Variants in IGSF21 observed in about 807,000 individuals in gnomAD.
The protein encoded by IGSF21 is immunoglobulin superfamily member 21.
IGSF21 carries 28 observed loss-of-function variants against 46.8 expected under a neutral mutation model. The observed-to-expected ratio is 0.60, with a 90% CI of 0.44 to 0.82. The LOEUF is 0.82. IGSF21 is among the 40% of genes least tolerant of loss of function. The probability of loss-of-function intolerance (pLI) is 0.00; values close to 1 mark genes in which losing one functional copy is unlikely to be tolerated. For synonymous variants in IGSF21, 284 were observed against 273.6 expected (o/e 1.04, Z -0.38); for missense variants, 624 against 665.5 (o/e 0.94, Z 0.69).
intron 2 of IGSF21, among the ~76,000 whole-genome samples, chr1:18,273,456 TTCTC>T (rs376410871): frequency 3.5e-5 from 3 of 86,666 alleles, no homozygotes; most frequent in Admixed American, 1.4e-4. Context: ...CTTTCTTTCT[TTCTC>T]TCTCTTTCTT....
chr1:18,165,717 A>G (rs1226105900), intron 1 of IGSF21, among the ~76,000 whole-genome samples: 3 of 152,218 alleles, frequency 2.0e-5, no homozygotes, highest in Admixed American at 6.5e-5. Flanking sequence ...TAAAGAAATC[A>G]ATTGCACTTT....
intron 1 of IGSF21, chr1:18,176,117 C>T (rs1340432318): frequency 6.6e-6 from 1 of 152,218 alleles, no homozygotes; most frequent in African/African-American, 2.4e-5. Context: ...ATTACAGACA[C>T]ACAGCAATGA....
intron 1 of IGSF21, among the ~76,000 whole-genome samples, chr1:18,194,710 A>G (rs1329338724): frequency 1.3e-5 from 2 of 152,222 alleles, no homozygotes; most frequent in Non-Finnish European, 2.9e-5. Context: ...TTCCAAATAA[A>G]TTCACATTCT....
chr1:18,229,687 T>C (rs752344867), intron 2 of IGSF21, among the ~76,000 whole-genome samples: 10 of 152,230 alleles, frequency 6.6e-5, no homozygotes, highest in Non-Finnish European at 1.5e-4. Flanking sequence ...AAGGGTGCCA[T>C]CCTGGATAGA....
intron 5 of IGSF21, 62 bp downstream of exon 5, chr1:18,362,292 G>A (rs2086109908): frequency 8.1e-7 from 1 of 1,234,844 alleles, no homozygotes; most frequent in Non-Finnish European, 1.2e-6. Flanking sequence ...TTCGGGGCTG[G>A]TCCAGCTGCA....
chr1:18,207,470 G>A (rs1044030277), intron 1 of IGSF21, among the ~76,000 whole-genome samples: 2 of 152,218 alleles, frequency 1.3e-5, no homozygotes, highest in Non-Finnish European at 2.9e-5. Context: ...CTCCTTGCAG[G>A]AAAGGCATCT....
chr1:18,355,929 G>A (rs1264716388), intron 4 of IGSF21, among the ~76,000 whole-genome samples: 4 of 148,388 alleles, frequency 2.7e-5, no homozygotes, highest in Non-Finnish European at 5.9e-5. Context: ...TCCGCCTTCC[G>A]GGTTCAAGCG....
chr1:18,219,379 C>T (rs555998126), intron 1 of IGSF21, among the ~76,000 whole-genome samples: 12 of 152,030 alleles, frequency 7.9e-5, no homozygotes, highest in South Asian at 4.2e-4. Flanking sequence ...GGGCCAGCAG[C>T]GTTCATTGTG....
intron 2 of IGSF21, among the ~76,000 whole-genome samples, chr1:18,284,352 G>C (rs571389413): frequency 6.6e-6 from 1 of 152,168 alleles, no homozygotes; most frequent in Non-Finnish European, 1.5e-5. Flanking sequence ...CATGTACTAC[G>C]TGCCGGTTCC....
intron 2 of IGSF21, among the ~76,000 whole-genome samples, chr1:18,284,760 G>A (rs1260267751): frequency 6.6e-6 from 1 of 152,212 alleles, no homozygotes; most frequent in Non-Finnish European, 1.5e-5. Context: ...TGAAAGGCAG[G>A]TATCGCCTTA....
At chr1:18,315,752 T>C (rs1370734415) in intron 3 of IGSF21, among the ~76,000 whole-genome samples, 2 of 150,932 alleles carry the variant, frequency 1.3e-5, no homozygotes. Flanking sequence ...AAGTGGATGG[T>C]AAGTGGGTGA....
At chr1:18,313,748 G>A (rs1431300363) in intron 3 of IGSF21, among the ~76,000 whole-genome samples, 1 of 152,166 alleles carries the variant, frequency 6.6e-6, no homozygotes, top group East Asian at 1.9e-4. Context: ...GACCTGCCGA[G>A]TGCTTGCCTG....
Position 18,335,074 on chromosome 1 carries a change from A to AAT in IGSF21, c.424+65_424+66dup. 7.7e-7 allele frequency: 1 copy of AAT among 1,292,516 alleles called. No homozygotes were observed. Among genetic ancestry groups the AAT allele is most frequent in the South Asian group, 1.2e-5 (1 of 84,116 alleles). 80.1% of individuals were successfully genotyped at this position (1,292,516 alleles called of 1,614,324 possible). On this transcript the variant is annotated intron_variant, in intron 4 of 9. Coordinates refer to ENST00000251296, the MANE Select transcript of IGSF21 (RefSeq NM_032880.5). The surrounding 1 kb of genome is among the most constrained non-coding windows in gnomAD (Gnocchi z 4.8). ...GAGGACGAGTATGCTTGAGTGTGTG[A>AAT]ATGTGCGCACAGAGTGGCCATCCTG...
intron 1 of IGSF21, among the ~76,000 whole-genome samples, chr1:18,159,842 C>T (rs148415738): frequency 6.9e-4 from 105 of 152,202 alleles, no homozygotes; most frequent in African/African-American, 1.7e-3. Flanking sequence ...GCACCACGCC[C>T]GGCTAATTTT....
intron 1 of IGSF21, among the ~76,000 whole-genome samples, chr1:18,158,068 C>T (rs553131815): frequency 6.6e-6 from 1 of 152,316 alleles, no homozygotes; most frequent in East Asian, 1.9e-4. Context: ...CCCCATCAAA[C>T]TGGGATCTTT....
intron 2 of IGSF21, among the ~76,000 whole-genome samples, chr1:18,273,106 C>T (rs944233097): frequency 1.4e-5 from 2 of 142,676 alleles, no homozygotes; most frequent in Non-Finnish European, 3.0e-5. Flanking sequence ...AGTGCAGTGG[C>T]ATGCTCTCAC....
intron 1 of IGSF21, among the ~76,000 whole-genome samples, chr1:18,193,297 C>A (rs898304740): frequency 6.6e-6 from 1 of 152,182 alleles, no homozygotes; most frequent in South Asian, 2.1e-4. Context: ...TTACAGGGCC[C>A]TGTGGGCCAA....
chr1:18,227,623 A>G (rs976292016), intron 1 of IGSF21, among the ~76,000 whole-genome samples: 3 of 151,628 alleles, frequency 2.0e-5, no homozygotes, highest in African/African-American at 4.9e-5. Context: ...ATGTGTCCCA[A>G]GCAGAAGTGT....
intron 3 of IGSF21, among the ~76,000 whole-genome samples, chr1:18,304,062 T>C (rs1316387373): frequency 6.6e-6 from 1 of 150,738 alleles, no homozygotes; most frequent in Non-Finnish European, 1.5e-5. Context: ...AGAGAAGAAA[T>C]GGGGATGAAT....
Sources: gnomAD v4.1 joint callset for allele counts (sites outside exome capture counted in the v4.1 genomes callset) on GRCh38, gnomAD v4.1.1 for gene constraint, Gnocchi (gnomAD v3.1) non-coding constraint, MANE v1.5 for transcripts, NCBI Gene and HGNC (gene_info 2026-07-23, HGNC 2026-07-21) for gene names.